PRR5L: variants seen among roughly 807,000 people sequenced by gnomAD.
PRR5L encodes the protein proline rich 5 like, also known as proline-rich protein 5-like.
In PRR5L, 21 loss-of-function variants were observed where a neutral mutation model predicts 36.4. That is an observed-to-expected ratio of 0.58 (90% CI 0.41 to 0.83). PRR5L has a LOEUF of 0.83. Among genes scored for constraint, PRR5L ranks in the 40% least tolerant of loss-of-function variants. PRR5L has a pLI of 0.00. For synonymous variants in PRR5L, 188 were observed against 197.0 expected, an observed-to-expected ratio of 0.95 and a Z score of 0.38; for missense variants, 381 against 473.3, an observed-to-expected ratio of 0.80 and a Z score of 1.81.
In PRR5L at chr11:36,464,335, T is replaced by C. The variant is rs1463411959; in HGVS notation, c.*1599T>C. 6.6e-6 allele frequency: 1 copy of C among 152,228 alleles called. No homozygotes were observed. The highest frequency in any genetic ancestry group is 2.4e-5 in the African/African-American group (1 of 41,454). The allele number at this position is 152,228 out of a possible 1,614,324, so 9.4% of individuals were successfully genotyped here. A position where few individuals can be genotyped will look rare whatever the true frequency, so the allele number is the denominator to read the frequency against. ...TCTAAGCTGCCACGGTGATGAGACC[T>C]TCTCATTATGTAACTCTTGATGGCA... is the stretch of plus-strand genomic sequence containing the variant. On this transcript the variant is annotated 3_prime_UTR_variant, in exon 9 of 9. Coordinates refer to ENST00000530639, the MANE Select transcript of PRR5L (RefSeq NM_001160167.2).
rs1177975609 is a variant in PRR5L at position 36,451,183 on chromosome 11, G to A, written c.586-26G>A. On this transcript the variant is annotated intron_variant, in intron 7 of 8. Coordinates refer to ENST00000530639, the MANE Select transcript of PRR5L (RefSeq NM_001160167.2). ...GTCATGGCAATGAACACTGACCTTT[G>A]TGTATCTTGGCTGTTCATTTTCCAG... 2.5e-6 allele frequency: 4 copies of A among 1,613,166 alleles called. No individual in the cohort carries two copies. In the Admixed American group the frequency reaches 6.7e-5, roughly 27 times the overall value.
intron 1 of PRR5L, among the ~76,000 whole-genome samples, chr11:36,389,183 A>C (rs967435016): frequency 9.4e-5 from 5 of 53,286 alleles, no homozygotes; most frequent in Non-Finnish European, 1.5e-4. Context: ...TTGGAAATAC[A>C]TTTGTTGGTC....
At chr11:36,388,627 A>G (rs545879669) in intron 1 of PRR5L, among the ~76,000 whole-genome samples, 1 of 152,004 alleles carries the variant, frequency 6.6e-6, no homozygotes, top group Admixed American at 6.5e-5. Context: ...TCCTTTTTAC[A>G]TAGATGGTAG....
At chr11:36,407,702 C>T (rs1170496418) in intron 3 of PRR5L, among the ~76,000 whole-genome samples, 1 of 152,182 alleles carries the variant, frequency 6.6e-6, no homozygotes, top group Non-Finnish European at 1.5e-5. Context: ...CACTTTCTAT[C>T]TGTAGGGTTA....
intron 7 of PRR5L, among the ~76,000 whole-genome samples, chr11:36,450,922 G>C (rs938340870): frequency 6.6e-6 from 1 of 152,208 alleles, no homozygotes; most frequent in Non-Finnish European, 1.5e-5. Context: ...TATTGTCTTT[G>C]AGACCAGCCA....
intron 4 of PRR5L, among the ~76,000 whole-genome samples, chr11:36,423,816 G>C (rs920979137): frequency 6.6e-6 from 1 of 152,162 alleles, no homozygotes; most frequent in South Asian, 2.1e-4. Flanking sequence ...CCAGTACTTA[G>C]AGAAGAACAG....
At chr11:36,358,493 C>T (rs1857051746) in intron 1 of PRR5L, among the ~76,000 whole-genome samples, 1 of 152,210 alleles carries the variant, frequency 6.6e-6, no homozygotes, top group African/African-American at 2.4e-5. Flanking sequence ...AAAGTATGTA[C>T]ATTTTTTAGG....
intron 6 of PRR5L, among the ~76,000 whole-genome samples, chr11:36,438,170 C>A (rs941560727): frequency 2.6e-5 from 4 of 152,178 alleles, no homozygotes; most frequent in African/African-American, 9.7e-5. Context: ...AGAGCTAATA[C>A]CACGATGGTC....
At chr11:36,396,116 A>G (rs1015200766) in intron 1 of PRR5L, 18 of 152,362 alleles carry the variant, frequency 1.2e-4, no homozygotes, top group African/African-American at 3.4e-4. Context: ...ATATATAGGA[A>G]AAAAGAAAAA....
intron 1 of PRR5L, among the ~76,000 whole-genome samples, chr11:36,353,552 A>C (rs1362080857): frequency 1.3e-5 from 2 of 152,168 alleles, no homozygotes; most frequent in African/African-American, 4.8e-5. Flanking sequence ...GCAGTCCCCA[A>C]CTTTTTTGGC....
chr11:36,351,768 T>C (rs865882735), intron 1 of PRR5L, among the ~76,000 whole-genome samples: 2 of 27,512 alleles, frequency 7.3e-5, no homozygotes, highest in African/African-American at 3.4e-4. Context: ...TTTATATATT[T>C]ATATATATTT....
intron 3 of PRR5L, among the ~76,000 whole-genome samples, chr11:36,410,222 T>A (rs1286069355): frequency 2.6e-5 from 4 of 152,174 alleles, no homozygotes; most frequent in Non-Finnish European, 5.9e-5. Context: ...GCCTAAAAGT[T>A]GTTTAGAAAT....
intron 1 of PRR5L, among the ~76,000 whole-genome samples, chr11:36,299,383 C>T (rs1416931894): frequency 1.3e-5 from 2 of 152,114 alleles, no homozygotes. Context: ...ACTTGGAGTG[C>T]TCCTATTGCT....
chr11:36,339,101 AT>A (rs1167967789), intron 1 of PRR5L, among the ~76,000 whole-genome samples: 2 of 152,164 alleles, frequency 1.3e-5, no homozygotes, highest in East Asian at 3.8e-4. Context: ...TGCAAGTCCA[AT>A]TAAACCTCTT....
intron 1 of PRR5L, among the ~76,000 whole-genome samples, chr11:36,303,062 A>G (rs1856394244): frequency 6.6e-6 from 1 of 152,188 alleles, no homozygotes; most frequent in Non-Finnish European, 1.5e-5. Context: ...CCCTAATCGC[A>G]AGGCAACACT....
intron 1 of PRR5L, among the ~76,000 whole-genome samples, chr11:36,354,781 G>T (rs1374860938): frequency 6.6e-6 from 1 of 152,170 alleles, no homozygotes; most frequent in Admixed American, 6.5e-5. Flanking sequence ...TTATGATGGT[G>T]CAGAACAAAG....
chr11:36,306,600 C>T (rs1376129715), intron 1 of PRR5L, among the ~76,000 whole-genome samples: 1 of 152,004 alleles, frequency 6.6e-6, no homozygotes, highest in Non-Finnish European at 1.5e-5. Flanking sequence ...TTTCTAGAAG[C>T]GGAATTGCTG....
At chr11:36,330,342 A>G (rs1465119492) in intron 1 of PRR5L, among the ~76,000 whole-genome samples, 1 of 152,210 alleles carries the variant, frequency 6.6e-6, no homozygotes. Context: ...TTCTTCATCA[A>G]TTCATTTAGT....
intron 1 of PRR5L, among the ~76,000 whole-genome samples, chr11:36,313,652 C>T (rs1005909927): frequency 1.3e-5 from 2 of 152,160 alleles, no homozygotes; most frequent in African/African-American, 2.4e-5. Flanking sequence ...ATGTCTTTTC[C>T]TGTATGAAAA....
Sources: gnomAD v4.1 joint callset for allele counts (sites outside exome capture counted in the v4.1 genomes callset) on GRCh38, gnomAD v4.1.1 for gene constraint, MANE v1.5 for transcripts, NCBI Gene and HGNC (gene_info 2026-07-23, HGNC 2026-07-21) for gene names.